Variants in ITFG1 observed in about 807,000 individuals in gnomAD.
ITFG1 encodes the protein integrin alpha FG-GAP repeat containing 1, also known as T-cell immunomodulatory protein.
Under a neutral mutation model 81.8 loss-of-function variants are expected in ITFG1, and 34 were observed. That is an observed-to-expected ratio of 0.42 (90% CI 0.32 to 0.55). The LOEUF (loss-of-function observed/expected upper bound fraction) is 0.55. Ranked by LOEUF, ITFG1 falls within the 20% of genes least tolerant of loss-of-function variation. ITFG1 has a pLI of 0.17. For synonymous variants in ITFG1, 285 were observed against 270.6 expected (o/e 1.05, Z -0.52); for missense variants, 672 against 755.4 (o/e 0.89, Z 1.29).
At chr16:47,395,209 A>C (rs1210033233) in intron 6 of ITFG1, among the ~76,000 whole-genome samples, 3 of 152,164 alleles carry the variant, frequency 2.0e-5, no homozygotes, top group Non-Finnish European at 4.4e-5. Context: ...CTTCAACCTA[A>C]CTAGATAAGA....
intron 10 of ITFG1, among the ~76,000 whole-genome samples, chr16:47,307,737 A>G (rs924030338): frequency 6.6e-6 from 1 of 152,196 alleles, no homozygotes; most frequent in Non-Finnish European, 1.5e-5. Context: ...GACTGATCCC[A>G]TCACCCAGGT....
chr16:47,376,931 CCAG>C (rs1245292857), intron 6 of ITFG1, among the ~76,000 whole-genome samples: 1 of 137,018 alleles, frequency 7.3e-6, no homozygotes, highest in East Asian at 2.1e-4. Context: ...ATTCTGATCT[CCAG>C]CCTGGAGACA....
intron 10 of ITFG1, among the ~76,000 whole-genome samples, chr16:47,294,507 C>CT (rs1239242331): frequency 1.3e-5 from 2 of 151,986 alleles, no homozygotes; most frequent in Non-Finnish European, 2.9e-5. Flanking sequence ...GTTTTTCCAT[C>CT]TTTTTGTGCC....
At chr16:47,213,720 T>G (rs1295745605) in intron 14 of ITFG1, among the ~76,000 whole-genome samples, 1 of 152,172 alleles carries the variant, frequency 6.6e-6, no homozygotes, top group African/African-American at 2.4e-5. Flanking sequence ...TTTGGAGAGC[T>G]TCTGGGTTAC....
upstream of ITFG1, chr16:47,461,239 T>G: frequency 9.7e-7 from 1 of 1,027,570 alleles, no homozygotes. Flanking sequence ...AAAGCCGCCC[T>G]CACGCTCACT....
At chr16:47,427,264 A>G (rs1226338771) in intron 6 of ITFG1, among the ~76,000 whole-genome samples, 1 of 152,210 alleles carries the variant, frequency 6.6e-6, no homozygotes, top group African/African-American at 2.4e-5. Flanking sequence ...AATATCACAG[A>G]AGAGAGAGAA....
At chr16:47,381,088 C>A (rs1006750806) in intron 6 of ITFG1, among the ~76,000 whole-genome samples, 3 of 152,184 alleles carry the variant, frequency 2.0e-5, no homozygotes, top group African/African-American at 7.2e-5. Flanking sequence ...GCATTTTAAT[C>A]TTTGTCAACT....
chr16:47,341,647 C>G (rs917889408), intron 8 of ITFG1, among the ~76,000 whole-genome samples: 2 of 151,852 alleles, frequency 1.3e-5, no homozygotes, highest in Admixed American at 6.6e-5. Context: ...ACGGGATAGA[C>G]AGACCATTAG....
intron 6 of ITFG1, among the ~76,000 whole-genome samples, chr16:47,425,380 C>G (rs1416504384): frequency 6.6e-6 from 1 of 152,132 alleles, no homozygotes; most frequent in Non-Finnish European, 1.5e-5. Flanking sequence ...GAAAGGAAAT[C>G]CCCTGACCCC....
In ITFG1 at chr16:47,311,264, A is replaced by C. The variant is rs1291220811; in HGVS notation, c.1046T>G (p.Val349Gly). The C allele has an allele frequency of 6.2e-7, 1 of 1,611,696 alleles. No individual in the cohort carries two copies. The highest frequency in any genetic ancestry group is 1.3e-5 in the African/African-American group (1 of 74,810). Residue 349 changes from valine (V) to glycine (G), a missense_variant, in exon 10 of 18, where the codon GTC becomes GGC. Coordinates refer to ENST00000320640, the MANE Select transcript of ITFG1 (RefSeq NM_030790.5). ...YNMDGYPDALVILKNTSGSNQ... is the reference protein window; with the variant it reads ...YNMDGYPDALGILKNTSGSNQ... Reference sequence around the variant, plus strand: ...CCTTCCAGATGTGTTCTTTAGTATGACCAGAGCGTCTGGATAGCCATCCAT... The same window carrying C: ...CCTTCCAGATGTGTTCTTTAGTATGCCCAGAGCGTCTGGATAGCCATCCAT...
intron 8 of ITFG1, among the ~76,000 whole-genome samples, chr16:47,324,814 G>A (rs995753082): frequency 4.6e-5 from 7 of 152,058 alleles, no homozygotes; most frequent in African/African-American, 1.7e-4. Flanking sequence ...CCCAATACAG[G>A]AGCACCCAGA....
intron 10 of ITFG1, among the ~76,000 whole-genome samples, chr16:47,303,042 C>T (rs769521187): frequency 3.9e-5 from 6 of 152,174 alleles, no homozygotes; most frequent in African/African-American, 9.6e-5. Flanking sequence ...GAGGCTGAGG[C>T]GGGTGGATCA....
chr16:47,384,857 C>T (rs990043506), intron 6 of ITFG1, among the ~76,000 whole-genome samples: 2 of 152,186 alleles, frequency 1.3e-5, no homozygotes, highest in Non-Finnish European at 2.9e-5. Flanking sequence ...GTGGGGAGAT[C>T]ACCTGAGGTC....
intron 8 of ITFG1, among the ~76,000 whole-genome samples, chr16:47,337,937 G>A (rs1411563545): frequency 6.6e-6 from 1 of 152,228 alleles, no homozygotes; most frequent in African/African-American, 2.4e-5. Context: ...TGGGAAATAT[G>A]ATTGCTGTTT....
chr16:47,341,400 G>GAAAAAAAAAAA (rs545419792), intron 8 of ITFG1, among the ~76,000 whole-genome samples: 3 of 64,338 alleles, frequency 4.7e-5, no homozygotes, highest in East Asian at 4.9e-4. Context: ...CTGCGCCACT[G>GAAAAAAAAAAA]AAAAAAAAAA....
rs62060619 is a variant in ITFG1, at chr16:47,327,925, A to G, written c.803-14102T>C. 5.5e-3 allele frequency among the ~76,000 whole-genome samples: 831 copies of G among 152,314 alleles called. 6 individuals carry two copies. The highest frequency in any genetic ancestry group is 8.7e-3 in the Admixed American group (133 of 15,296). On this transcript the variant is annotated intron_variant, in intron 8 of 17. Coordinates refer to ENST00000320640, the MANE Select transcript of ITFG1 (RefSeq NM_030790.5). ...TGGAAGTCGGTGTGGCAATTCCTCC[A>G]GGATCTAGAACTAGAAATACCATTT... is the stretch of plus-strand genomic sequence containing the variant.
chr16:47,335,802 T>G (rs944698854), intron 8 of ITFG1, among the ~76,000 whole-genome samples: 6 of 152,214 alleles, frequency 3.9e-5, no homozygotes, highest in African/African-American at 1.4e-4. Context: ...ATAGCCACTT[T>G]GGAAACATAA....
intron 5 of ITFG1, among the ~76,000 whole-genome samples, chr16:47,439,722 T>C (rs1192315393): frequency 4.6e-5 from 7 of 152,170 alleles, no homozygotes; most frequent in Non-Finnish European, 1.5e-5. Flanking sequence ...TATCAGCCAC[T>C]GCAAAAACAA....
intron 14 of ITFG1, among the ~76,000 whole-genome samples, chr16:47,178,865 T>C (rs374114187): frequency 5.9e-5 from 9 of 152,034 alleles, no homozygotes; most frequent in Admixed American, 2.0e-4. Flanking sequence ...ACAATGAACT[T>C]AAACAAATTT....
Sources: allele counts gnomAD v4.1 joint callset (sites outside exome capture counted in the v4.1 genomes callset), GRCh38; gene constraint gnomAD v4.1.1; transcripts MANE v1.5; gene names NCBI Gene and HGNC (gene_info 2026-07-23, HGNC 2026-07-21).